The following TNIP3 variants were observed in gnomAD, a reference collection of about 807,000 sequenced individuals.
The protein encoded by TNIP3 is TNFAIP3 interacting protein 3.
TNIP3 carries 34 observed loss-of-function variants against 54.1 expected under a neutral mutation model. The ratio of observed to expected loss-of-function variants is 0.63; its 90% CI spans 0.48 to 0.84. The LOEUF (loss-of-function observed/expected upper bound fraction) is 0.84, where lower values mean the gene tolerates loss of function less well. Among genes scored for constraint, TNIP3 ranks in the 40% least tolerant of loss-of-function variants. The probability of loss-of-function intolerance (pLI) is 0.00; values close to 1 mark genes in which losing one functional copy is unlikely to be tolerated. For missense variants in TNIP3, 366 were observed against 387.6 expected (o/e 0.94, Z 0.47); for synonymous variants, 134 against 136.8 (o/e 0.98, Z 0.14).
chr4:121,207,358 G>A (rs570426182), intron 2 of TNIP3, among the ~76,000 whole-genome samples: 1 of 152,218 alleles, frequency 6.6e-6, no homozygotes, highest in South Asian at 2.1e-4. Flanking sequence ...CAAGTCCCAG[G>A]AAAATCAAGA....
chr4:121,168,128 G>A (rs1163686890), upstream of TNIP3, among the ~76,000 whole-genome samples: 1 of 152,122 alleles, frequency 6.6e-6, no homozygotes, highest in Non-Finnish European at 1.5e-5. Context: ...CAGGGGAGGA[G>A]CACATTGCCA....
At chr4:121,193,413 A>G (rs1050540218) in intron 2 of TNIP3, among the ~76,000 whole-genome samples, 3 of 152,190 alleles carry the variant, frequency 2.0e-5, no homozygotes, top group Admixed American at 2.0e-4. Flanking sequence ...AATTCATCAA[A>G]TAAAGTAGGA....
chr4:121,203,265 A>T (rs952717169), intron 2 of TNIP3, among the ~76,000 whole-genome samples: 1 of 152,164 alleles, frequency 6.6e-6, no homozygotes, highest in Non-Finnish European at 1.5e-5. Flanking sequence ...AGATAGAAAG[A>T]TACCATGAAA....
rs567259823 is a variant in TNIP3, at chr4:121,181,949, AAAG to A, written c.189+724_189+726del. Among the ~76,000 whole-genome samples the A allele has an allele frequency of 3.5e-3, 535 of 152,346 alleles. 3 individuals are homozygous for A. Among genetic ancestry groups the A allele is most frequent in the Middle Eastern group, 0.031 (9 of 294 alleles). ...CAACACTGAGTAAGAACTTCTTTAG[AAAG>A]AAGAACTAATGTTATTTTTATAAAG... On this transcript the variant is annotated intron_variant, in intron 3 of 12. Coordinates refer to the TNIP3 transcript ENST00000507879.
intron 2 of TNIP3, among the ~76,000 whole-genome samples, chr4:121,186,092 T>C (rs558999380): frequency 6.6e-6 from 1 of 152,212 alleles, no homozygotes; most frequent in Non-Finnish European, 1.5e-5. Context: ...CGGGCCCTCA[T>C]GAGGATAGTG....
In TNIP3 at chr4:121,142,775, A is replaced by G. The variant is rs753620963; in HGVS notation, c.737T>C (p.Ile246Thr). ...TTCTTTCTCCATCTGACAAGCTTTTATCTAAAGACAAAACAAAGGCATTTG... is the reference window on the plus strand; with the variant it reads ...TTCTTTCTCCATCTGACAAGCTTTTGTCTAAAGACAAAACAAAGGCATTTG... Reference protein sequence around the residue: ...QSQLNRLNSQIKACQMEKEKL... With the variant: ...QSQLNRLNSQTKACQMEKEKL... Residue 246 changes from isoleucine to threonine, a missense_variant and splice_region_variant, in exon 8 of 11, where the codon ATA (isoleucine) becomes ACA (threonine). Coordinates refer to ENST00000057513, the MANE Select transcript of TNIP3 (RefSeq NM_024873.6). 1.9e-6 allele frequency: 3 copies of G among 1,611,784 alleles called. No individual in the cohort carries two copies. Among genetic ancestry groups the G allele is most frequent in the Non-Finnish European group, 2.5e-6 (3 of 1,178,298 alleles).
chr4:121,203,925 A>C (rs578073405), intron 2 of TNIP3, among the ~76,000 whole-genome samples: 1 of 149,148 alleles, frequency 6.7e-6, no homozygotes, highest in Admixed American at 6.7e-5. Flanking sequence ...ATATACTAAT[A>C]CACAAAATAT....
At chr4:121,133,897 A>T (rs553851150) in intron 10 of TNIP3, among the ~76,000 whole-genome samples, 3 of 152,048 alleles carry the variant, frequency 2.0e-5, no homozygotes, top group Non-Finnish European at 4.4e-5. Context: ...ACCTGGAGCT[A>T]CTAGATGCTG....
At chr4:121,165,368 AC>A (rs1184366686), upstream of TNIP3, among the ~76,000 whole-genome samples, 1 of 151,786 alleles carries the variant, frequency 6.6e-6, no homozygotes, top group African/African-American at 2.4e-5. Flanking sequence ...TGTTCTTGCC[AC>A]CTCAGATGTC....
In TNIP3 at chr4:121,157,116, C is replaced by G; in HGVS notation, c.341G>C (p.Arg114Pro). Reference protein sequence around the residue: ...REDDRQRDLTRDRLQREEKEK... With the variant: ...REDDRQRDLTPDRLQREEKEK... The stretch of plus-strand genomic sequence containing the variant: ...CACCTCCTCCCGCTGCAGCCGGTCC[C>G]GGGTCAGGTCGCGCTGCCTGTCGTC... Residue 114 changes from arginine to proline, a missense_variant, in exon 4 of 11, where the codon CGG (arginine) becomes CCG (proline). By Grantham distance (103) the Arg-to-Pro change is moderately radical. Transcript: ENST00000057513. The G allele has an allele frequency of 2.5e-6, 4 of 1,614,130 alleles. No individual in the cohort carries two copies. Among genetic ancestry groups the G allele is most frequent in the South Asian group, 2.2e-5 (2 of 91,078 alleles).
rs200069310 is a variant in TNIP3, at chr4:121,150,251, A to G, written c.493-32T>C. ...AATAAGATAAGTACACTGTTGATCT[A>G]AGATTTACCACATGGAATGAATTCT... On this transcript the variant is annotated intron_variant, in intron 5 of 10. Transcript: ENST00000057513. 1.6e-4 allele frequency: 205 copies of G among 1,305,802 alleles called. No individual in the cohort carries two copies. In the Middle Eastern group the frequency reaches 1.7e-3, roughly 11 times the overall value. The allele number at this position is 1,305,802 out of a possible 1,614,324, so 80.9% of individuals were successfully genotyped here. A position where few individuals can be genotyped will look rare whatever the true frequency, so the allele number is the denominator to read the frequency against.
intron 2 of TNIP3, among the ~76,000 whole-genome samples, 194 bp downstream of exon 2, chr4:121,160,942 C>T (rs1373757919): frequency 6.6e-6 from 1 of 152,166 alleles, no homozygotes; most frequent in African/African-American, 2.4e-5. Flanking sequence ...ACTGCACAGA[C>T]ACTGAGACAA....
At position 121,157,234 on chromosome 4, in the gene TNIP3, G is replaced by A. The variant is rs745963969; in HGVS notation, c.223C>T (p.Leu75=). Residue 75 remains leucine, a synonymous_variant, in exon 4 of 11, where the codon CTG becomes TTG. Coordinates refer to ENST00000057513, the MANE Select transcript of TNIP3 (RefSeq NM_024873.6). The part of the protein sequence containing the change: ...KELYERKVAE[L]KTKLDAAERF... ...TCCGCGGCGTCCAGTTTCGTCTTCA[G>A]CTCTGCTACCTGAGGAGGTCGTTCA... 28 of 1,613,964 alleles carry A rather than the reference G, an allele frequency of 1.7e-5. No individual in the cohort carries two copies. The highest frequency in any genetic ancestry group is 6.7e-5 in the Admixed American group (4 of 59,998).
rs540370745 is a variant in TNIP3 at position 121,145,149 on chromosome 4, AAAT to A, written c.735+1897_735+1899del. 1.7e-3 allele frequency among the ~76,000 whole-genome samples: 266 copies of A among 152,348 alleles called. 1 individual carries two copies. The highest frequency in any genetic ancestry group is 5.7e-3 in the African/African-American group (235 of 41,588). ...TCCTCTAAAAGTCCACTTGGACAAC[AAAT>A]AATATGTTATTCAACTAAGGTAATG... On this transcript the variant is annotated intron_variant, in intron 7 of 10. Transcript: ENST00000057513.
chr4:121,219,629 G>A (rs1003193535), upstream of TNIP3, among the ~76,000 whole-genome samples: 1 of 152,182 alleles, frequency 6.6e-6, no homozygotes, highest in African/African-American at 2.4e-5. Context: ...TTCAAGGGCA[G>A]GGTGTTCGTA....
At chr4:121,142,841 C>A in intron 7 of TNIP3, 65 bp from the exon 8 acceptor site, 2 of 1,411,850 alleles carry the variant, frequency 1.4e-6, no homozygotes, top group South Asian at 1.2e-5. Context: ...CCAAGCCACT[C>A]TTGACCTACT....
chr4:121,214,608 CTTCT>C (rs1321971048), intron 2 of TNIP3, among the ~76,000 whole-genome samples: 1 of 152,064 alleles, frequency 6.6e-6, no homozygotes, highest in Non-Finnish European at 1.5e-5. Flanking sequence ...TTTTCCCTTC[CTTCT>C]TTCTTTCTTG....
intron 3 of TNIP3, among the ~76,000 whole-genome samples, chr4:121,157,812 T>A (rs1053615840): frequency 6.6e-6 from 1 of 152,158 alleles, no homozygotes; most frequent in Non-Finnish European, 1.5e-5. Flanking sequence ...TCACTAACAC[T>A]GTCTTCACAC....
chr4:121,205,263 A>G (rs1726117498), intron 2 of TNIP3, among the ~76,000 whole-genome samples: 1 of 152,174 alleles, frequency 6.6e-6, no homozygotes, highest in South Asian at 2.1e-4. Flanking sequence ...TTATTGGGGA[A>G]AGAGCATTCC....
Sources: allele counts gnomAD v4.1 joint callset (sites outside exome capture counted in the v4.1 genomes callset), GRCh38; gene constraint gnomAD v4.1.1; transcripts MANE v1.5; gene names NCBI Gene and HGNC (gene_info 2026-07-23, HGNC 2026-07-21).